Variants in DTHD1 observed in about 807,000 individuals in gnomAD.
DTHD1 encodes the protein death domain-containing protein 1.
DTHD1 carries 59 observed loss-of-function variants against 74.8 expected under a neutral mutation model. The ratio of observed to expected loss-of-function variants is 0.79; its 90% CI spans 0.64 to 0.98. The LOEUF (loss-of-function observed/expected upper bound fraction) is 0.98. Ranked by LOEUF, DTHD1 falls within the 50% of genes least tolerant of loss-of-function variation. DTHD1 has a pLI of 0.00. For synonymous variants in DTHD1, 365 were observed against 371.1 expected, an observed-to-expected ratio of 0.98 and a Z score of 0.19; for missense variants, 1,051 against 1,065.4, an observed-to-expected ratio of 0.99 and a Z score of 0.19.
chr4:36,329,186 C>T (rs1197012875), intron 8 of DTHD1, among the ~76,000 whole-genome samples: 1 of 152,170 alleles, frequency 6.6e-6, no homozygotes, highest in Non-Finnish European at 1.5e-5. Flanking sequence ...GAGGGTTTGG[C>T]AAATCTAGAT....
chr4:36,287,483 T>A (rs1340110184), intron 2 of DTHD1, among the ~76,000 whole-genome samples: 1 of 152,258 alleles, frequency 6.6e-6, no homozygotes, highest in Non-Finnish European at 1.5e-5. Flanking sequence ...ATGACTTCTT[T>A]TCCTCTGAGT....
chr4:36,293,130 T>C (rs1001290116), intron 3 of DTHD1, among the ~76,000 whole-genome samples: 2 of 152,200 alleles, frequency 1.3e-5, no homozygotes, highest in African/African-American at 4.8e-5. Context: ...TTCCAGTCCT[T>C]AGGATTCCCT....
At chr4:36,310,175 A>G (rs1373290348) in intron 7 of DTHD1, among the ~76,000 whole-genome samples, 1 of 152,056 alleles carries the variant, frequency 6.6e-6, no homozygotes, top group Non-Finnish European at 1.5e-5. Flanking sequence ...AGTGCTTTTG[A>G]TAAGTGTGTA....
chr4:36,330,758 A>C (rs533306265), intron 8 of DTHD1, among the ~76,000 whole-genome samples: 7 of 152,188 alleles, frequency 4.6e-5, no homozygotes, highest in Non-Finnish European at 1.0e-4. Context: ...AGTTACAAGT[A>C]CATCCTCACT....
chr4:36,298,238 C>T (rs1222772165), intron 5 of DTHD1, among the ~76,000 whole-genome samples: 1 of 152,024 alleles, frequency 6.6e-6, no homozygotes, highest in East Asian at 1.9e-4. Flanking sequence ...TGTACACATC[C>T]CACATTCTAC....
intron 8 of DTHD1, among the ~76,000 whole-genome samples, chr4:36,326,128 T>C (rs770259647): frequency 1.2e-3 from 187 of 152,180 alleles, no homozygotes; most frequent in Non-Finnish European, 2.1e-3. Context: ...TCTTCAAGAC[T>C]CTTCCCACGG....
chr4:36,308,685 G>T (rs1757204411), intron 7 of DTHD1, among the ~76,000 whole-genome samples, 192 bp downstream of exon 7: 1 of 152,146 alleles, frequency 6.6e-6, no homozygotes, highest in Non-Finnish European at 1.5e-5. Context: ...CTTAGGGAAT[G>T]CATGTTCCTT....
intron 5 of DTHD1, among the ~76,000 whole-genome samples, chr4:36,300,906 A>G (rs1756731956): frequency 6.6e-6 from 1 of 152,224 alleles, no homozygotes; most frequent in Non-Finnish European, 1.5e-5. Context: ...TGTACTTAGA[A>G]GTATTTTTAA....
Position 36,343,907 on chromosome 4 carries a change from G to A in DTHD1, c.*83G>A, listed in dbSNP as rs1180309982. 14 of 1,285,434 alleles carry A rather than the reference G, an allele frequency of 1.1e-5. No homozygotes were observed. The highest frequency in any genetic ancestry group is 1.0e-4 in the East Asian group (4 of 39,442). 79.6% of individuals were successfully genotyped at this position (1,285,434 alleles called of 1,614,324 possible). ...TGTCAACATTTTCCTGGAAGTTTCCGAATGATATTATTTGAAGTCAGTCTA... is the reference window on the plus strand; with the variant it reads ...TGTCAACATTTTCCTGGAAGTTTCCAAATGATATTATTTGAAGTCAGTCTA... On this transcript the variant is annotated 3_prime_UTR_variant, in exon 10 of 10. Coordinates refer to ENST00000639862, the MANE Select transcript of DTHD1 (RefSeq NM_001170700.3).
chr4:36,324,873 G>A (rs940864069), intron 8 of DTHD1, among the ~76,000 whole-genome samples: 1 of 152,164 alleles, frequency 6.6e-6, no homozygotes, highest in African/African-American at 2.4e-5. Flanking sequence ...CAGAGAAGGG[G>A]GTGAACGCTG....
At position 36,339,149 on chromosome 4, in the gene DTHD1, G is replaced by A. The variant is rs951936481; in HGVS notation, c.2378G>A (p.Arg793Lys). ...KLINRPQSTK[R>K]VSKDPVEALW... ...ATCAACCGTCCACAGAGTACCAAAA[G>A]AGTTTCTAAGGATCCTGTAGGTGAG... The change falls in exon 9 of 10, where the codon AGA (arginine) becomes AAA (lysine). Residue 793 changes from arginine (R) to lysine (K), a missense_variant. Transcript: ENST00000639862. The A allele has an allele frequency of 1.3e-6, 2 of 1,547,756 alleles. No individual in the cohort carries two copies. The highest frequency in any genetic ancestry group is 2.4e-5 in the South Asian group (2 of 83,802).
At chr4:36,328,608 T>G (rs1758492811) in intron 8 of DTHD1, among the ~76,000 whole-genome samples, 1 of 152,252 alleles carries the variant, frequency 6.6e-6, no homozygotes, top group African/African-American at 2.4e-5. Flanking sequence ...ATACTTATTT[T>G]GTCTAGTACC....
intron 5 of DTHD1, among the ~76,000 whole-genome samples, chr4:36,295,487 T>C (rs1157444701): frequency 1.3e-5 from 2 of 151,918 alleles, no homozygotes; most frequent in African/African-American, 4.8e-5. Context: ...CTATAAAAGG[T>C]GGATGAGCAT....
chr4:36,284,320 G>T lies in DTHD1; in HGVS notation c.616G>T (p.Glu206Ter). Reference sequence around the variant, plus strand: ...GAATGGACGTGTACTGGGGCAAGAAGAGTCACAGAATAAAATGTTCCCAGA... The same window carrying T: ...GAATGGACGTGTACTGGGGCAAGAATAGTCACAGAATAAAATGTTCCCAGA... ...SLNGRVLGQEESQNKMFPDNA... is the reference protein window; with the variant it reads ...SLNGRVLGQE Residue 206 changes from glutamate to a stop codon, truncating the protein, a stop_gained, in exon 2 of 10, where the codon GAG becomes TAG. Transcript: ENST00000639862. LOFTEE classifies it high-confidence loss of function. 2 of 1,537,200 alleles carry T rather than the reference G, an allele frequency of 1.3e-6. No individual in the cohort carries two copies. The highest frequency in any genetic ancestry group is 8.7e-7 in the Non-Finnish European group (1 of 1,146,864).
Position 36,343,834 on chromosome 4 carries a change from C to G in DTHD1, c.*10C>G. 1 of 1,534,798 alleles carries G rather than the reference C, an allele frequency of 6.5e-7. No homozygotes were observed. Among genetic ancestry groups the G allele is most frequent in the Non-Finnish European group, 8.8e-7 (1 of 1,137,530 alleles). On this transcript the variant is annotated 3_prime_UTR_variant, in exon 10 of 10. Coordinates refer to ENST00000639862, the MANE Select transcript of DTHD1 (RefSeq NM_001170700.3). The stretch of plus-strand genomic sequence containing the variant: ...TGTAGCCCCTGAGTAAAAGCCTGAT[C>G]TCTCTTCCTTTACCCCTAGGAAAAG...
chr4:36,341,093 G>T (rs978576625), intron 9 of DTHD1, among the ~76,000 whole-genome samples: 1 of 152,200 alleles, frequency 6.6e-6, no homozygotes, highest in East Asian at 1.9e-4. Context: ...TTGAAGAAGG[G>T]CATAGAATGC....
chr4:36,307,823 G>A (rs560209253), intron 6 of DTHD1, among the ~76,000 whole-genome samples: 16 of 152,224 alleles, frequency 1.1e-4, no homozygotes, highest in South Asian at 1.0e-3. Context: ...TGACTTCTTC[G>A]TTTAAGAACA....
intron 2 of DTHD1, among the ~76,000 whole-genome samples, chr4:36,285,452 C>G (rs959732996): frequency 6.6e-6 from 1 of 152,088 alleles, no homozygotes; most frequent in South Asian, 2.1e-4. Context: ...AGACCTATTT[C>G]ATTTCCTTGG....
At chr4:36,335,946 G>T (rs1014590208) in intron 8 of DTHD1, among the ~76,000 whole-genome samples, 2 of 152,220 alleles carry the variant, frequency 1.3e-5, no homozygotes, top group Admixed American at 6.5e-5. Flanking sequence ...TCTTTCTGGT[G>T]TAGGTGCCTG....
Sources: allele counts gnomAD v4.1 joint callset (sites outside exome capture counted in the v4.1 genomes callset), GRCh38; gene constraint gnomAD v4.1.1; transcripts MANE v1.5; gene names NCBI Gene and HGNC (gene_info 2026-07-23, HGNC 2026-07-21).